Variants in VAC14 observed in about 807,000 individuals in gnomAD.
VAC14 encodes VAC14 component of PIKFYVE complex.
Under a neutral mutation model 85.3 loss-of-function variants are expected in VAC14, and 47 were observed. That is an observed-to-expected ratio of 0.55 (90% CI 0.44 to 0.70). VAC14 has a LOEUF of 0.70. Ranked by LOEUF, VAC14 falls within the 30% of genes least tolerant of loss-of-function variation. The pLI is 0.00. For missense variants in VAC14, 861 were observed against 1,004.3 expected (o/e 0.86, Z 1.93); for synonymous variants, 447 against 430.5 (o/e 1.04, Z -0.47).
In VAC14 at chr16:70,745,505, G is replaced by GTGTGTT. The variant is rs762697908; in HGVS notation, c.1372-927_1372-926insAACACA. Among the ~76,000 whole-genome samples, 441 of 148,608 alleles carry GTGTGTT rather than the reference G, an allele frequency of 3.0e-3. 1 individual carries two copies. Among genetic ancestry groups the GTGTGTT allele is most frequent in the Non-Finnish European group, 4.6e-3 (313 of 67,940 alleles). On this transcript the variant is annotated intron_variant, in intron 12 of 18. Transcript: ENST00000261776. ...TCAGTGTGTGTGTGTGTGTGTGTGT[G>GTGTGTT]TGTGTGTGTGTGTGCGCGTGTGCGC...
intron 12 of VAC14, among the ~76,000 whole-genome samples, chr16:70,749,611 G>A (rs958667575): frequency 6.6e-6 from 1 of 152,212 alleles, no homozygotes; most frequent in Non-Finnish European, 1.5e-5. Context: ...AAATAAAGCA[G>A]GACCCCGAAA....
intron 14 of VAC14, among the ~76,000 whole-genome samples, chr16:70,712,417 G>A (rs1483940887): frequency 2.6e-5 from 4 of 152,128 alleles, no homozygotes; most frequent in East Asian, 1.9e-4. Context: ...AGAGAAAGGC[G>A]GGTGGACAGA....
chr16:70,724,712 G>A (rs771024627), intron 14 of VAC14, among the ~76,000 whole-genome samples: 2 of 152,224 alleles, frequency 1.3e-5, no homozygotes, highest in Non-Finnish European at 2.9e-5. Context: ...CCTGGGCGGG[G>A]AACGGCTGTG....
chr16:70,795,300 A>T lies in VAC14; in HGVS notation c.104+5497T>A, dbSNP rs138734832. On this transcript the variant is annotated intron_variant, in intron 1 of 18. Coordinates refer to ENST00000261776, the MANE Select transcript of VAC14 (RefSeq NM_018052.5). ...CCTAACATGGTGAAACCCGATCTCTACTAAAAATTAAAACAACAACAACAA... is the reference window on the plus strand; with the variant it reads ...CCTAACATGGTGAAACCCGATCTCTTCTAAAAATTAAAACAACAACAACAA... Among the ~76,000 whole-genome samples, 58 of 152,118 alleles carry T rather than the reference A, an allele frequency of 3.8e-4. 1 individual carries two copies. Among genetic ancestry groups the T allele is most frequent in the African/African-American group, 1.3e-3 (54 of 41,510 alleles).
rs147310577 is a variant in VAC14, at chr16:70,752,111, G to A, written c.1372-7532C>T. On this transcript the variant is annotated intron_variant, in intron 12 of 18. Coordinates refer to ENST00000261776, the MANE Select transcript of VAC14 (RefSeq NM_018052.5). Reference sequence around the variant, plus strand: ...AATCATAAATCTTAGTTTGTGTTGCGTGACTTTGAACACAAACCCTGGGGG... The same window carrying A: ...AATCATAAATCTTAGTTTGTGTTGCATGACTTTGAACACAAACCCTGGGGG... Among the ~76,000 whole-genome samples, 564 of 152,272 alleles carry A rather than the reference G, an allele frequency of 3.7e-3. 4 individuals are homozygous for A. The highest frequency in any genetic ancestry group is 4.4e-3 in the Non-Finnish European group (302 of 68,022).
rs772090893 is a variant in VAC14 at position 70,800,753 on chromosome 16, A to AC, written c.104+43_104+44insG. On this transcript the variant is annotated intron_variant, in intron 1 of 18. Coordinates refer to ENST00000261776, the MANE Select transcript of VAC14 (RefSeq NM_018052.5). The stretch of plus-strand genomic sequence containing the variant: ...GAGAAGTCCCCCTGGGGAGCAGAGC[A>AC]GTCAGGGGCTGCATAGCCAGGGAGG... 2.2e-5 allele frequency: 34 copies of AC among 1,530,854 alleles called. No homozygotes were observed. In the East Asian group the frequency reaches 7.8e-4, roughly 35 times the overall value. The allele number at this position is 1,530,854 out of a possible 1,614,324, so 94.8% of individuals were successfully genotyped here.
At chr16:70,763,444 C>T (rs111288999) in intron 10 of VAC14, among the ~76,000 whole-genome samples, 6 of 152,222 alleles carry the variant, frequency 3.9e-5, no homozygotes, top group African/African-American at 1.4e-4. Context: ...AAGTTCAGAC[C>T]CTTTCTTGGA....
At chr16:70,721,363 CGAGGAAGAGGAGGAGAAAGAA>C (rs1361287023) in intron 14 of VAC14, among the ~76,000 whole-genome samples, 4 of 149,896 alleles carry the variant, frequency 2.7e-5, no homozygotes, top group Non-Finnish European at 5.9e-5. Flanking sequence ...AACAGGAAGC[CGAGGAAGAGGAGGAGAAAGAA>C]GAGGAAGAGG....
intron 12 of VAC14, among the ~76,000 whole-genome samples, chr16:70,754,930 A>C (rs1304854682): frequency 6.6e-6 from 1 of 152,220 alleles, no homozygotes; most frequent in African/African-American, 2.4e-5. Context: ...GCTTCTGAGC[A>C]GGCAGCATTA....
In VAC14 at chr16:70,713,300, G is replaced by A. The variant is rs536854071; in HGVS notation, c.1662-14489C>T. On this transcript the variant is annotated intron_variant, in intron 14 of 18. Coordinates refer to ENST00000261776, the MANE Select transcript of VAC14 (RefSeq NM_018052.5). ...TTAGAGCAAAAAAGCTACCGTGCGC[G>A]AACAGCCTGGCTATGACGGGCGCGC... Among the ~76,000 whole-genome samples the A allele has an allele frequency of 3.3e-5, 5 of 152,358 alleles. No individual in the cohort carries two copies. In the East Asian group the frequency reaches 9.6e-4, roughly 29 times the overall value.
chr16:70,762,289 G>T lies in VAC14; in HGVS notation c.1371+251C>A, dbSNP rs1039597201. 6.6e-6 allele frequency among the ~76,000 whole-genome samples: 1 copy of T among 152,108 alleles called. No individual in the cohort carries two copies. Among genetic ancestry groups the T allele is most frequent in the Non-Finnish European group, 1.5e-5 (1 of 68,028 alleles). On this transcript the variant is annotated intron_variant, in intron 12 of 18. Coordinates refer to ENST00000261776, the MANE Select transcript of VAC14 (RefSeq NM_018052.5). This position sits in a 1 kb window ranked among gnomAD's most constrained non-coding sequence, Gnocchi z 4.1. ...CGCCCGGCTAATTTTTGTATTTTGA[G>T]TAGAGACGGAGTTTCACCATGTTGG...
At chr16:70,739,274 T>G (rs1387420642) in intron 13 of VAC14, among the ~76,000 whole-genome samples, 1 of 152,190 alleles carries the variant, frequency 6.6e-6, no homozygotes, top group Non-Finnish European at 1.5e-5. Flanking sequence ...TGATCCCTAC[T>G]GCTGCTTCCT....
rs199800641 is a variant in VAC14 at position 70,711,320 on chromosome 16, ACT to A, written c.1662-12511_1662-12510del. Among the ~76,000 whole-genome samples the A allele has an allele frequency of 8.9e-3, 1,353 of 151,996 alleles. 10 individuals carry two copies. Among genetic ancestry groups the A allele is most frequent in the Middle Eastern group, 0.082 (24 of 294 alleles). ...CATGCCCTCCTGAGGGAAGGAGGAG[ACT>A]CTGGCAGGAGTCTGAGAGGATGGGT... On this transcript the variant is annotated intron_variant, in intron 14 of 18. Coordinates refer to ENST00000261776, the MANE Select transcript of VAC14 (RefSeq NM_018052.5).
At position 70,749,748 on chromosome 16, in the gene VAC14, G is replaced by T. The variant is rs370754847; in HGVS notation, c.1372-5169C>A. Among the ~76,000 whole-genome samples the T allele has an allele frequency of 9.8e-5, 15 of 152,324 alleles. No homozygotes were observed. In the South Asian group the frequency reaches 3.1e-3, roughly 32 times the overall value. On this transcript the variant is annotated intron_variant, in intron 12 of 18. Transcript: ENST00000261776. Reference sequence around the variant, plus strand: ...GGGAGCCGGCTGATACCCGGCTTCTGTGCCCCTCCAGTCCGGCTGCTGCTT... The same window carrying T: ...GGGAGCCGGCTGATACCCGGCTTCTTTGCCCCTCCAGTCCGGCTGCTGCTT...
chr16:70,742,204 G>A lies in VAC14; in HGVS notation c.1528+2219C>T, dbSNP rs1438873879. On this transcript the variant is annotated intron_variant, in intron 13 of 18. Coordinates refer to ENST00000261776, the MANE Select transcript of VAC14 (RefSeq NM_018052.5). ...TTTGAGGAGGAGAGAAGAGGCTGTGGCGCCTGCTTCCTGGGGAGGGAGAGC... is the reference window on the plus strand; with the variant it reads ...TTTGAGGAGGAGAGAAGAGGCTGTGACGCCTGCTTCCTGGGGAGGGAGAGC... 2.6e-5 allele frequency among the ~76,000 whole-genome samples: 4 copies of A among 152,180 alleles called. No individual in the cohort carries two copies. In the South Asian group the frequency reaches 6.2e-4, roughly 24 times the overall value.
chr16:70,690,889 A>T, intron 18 of VAC14: 2 of 985,500 alleles, frequency 2.0e-6, no homozygotes, highest in Non-Finnish European at 2.4e-6. Flanking sequence ...AGGGCATTGA[A>T]GGCTAGGGGG....
At chr16:70,788,322 C>T (rs963212587) in intron 1 of VAC14, among the ~76,000 whole-genome samples, 3 of 152,174 alleles carry the variant, frequency 2.0e-5, no homozygotes, top group African/African-American at 4.8e-5. Flanking sequence ...ACCTATCATG[C>T]GCCAGGCACT....
intron 14 of VAC14, among the ~76,000 whole-genome samples, chr16:70,720,647 A>C (rs1465999773): frequency 1.3e-5 from 2 of 152,222 alleles, no homozygotes; most frequent in East Asian, 3.9e-4. Context: ...GCCTGGGGGC[A>C]GAAGGGCCCA....
At chr16:70,746,173 C>T (rs537172530) in intron 12 of VAC14, among the ~76,000 whole-genome samples, 5 of 152,340 alleles carry the variant, frequency 3.3e-5, no homozygotes, top group Non-Finnish European at 4.4e-5. Flanking sequence ...CCTGGTTCCT[C>T]TAGGCCAGCC....
Sources: gnomAD v4.1 joint callset for allele counts (sites outside exome capture counted in the v4.1 genomes callset) on GRCh38, gnomAD v4.1.1 for gene constraint, Gnocchi (gnomAD v3.1) non-coding constraint, MANE v1.5 for transcripts, NCBI Gene and HGNC (gene_info 2026-07-23, HGNC 2026-07-21) for gene names.